Variants in UTRN observed in about 807,000 individuals in gnomAD.
UTRN encodes the protein dystrophin-related protein 1.
Under a neutral mutation model 463.9 loss-of-function variants are expected in UTRN, and 283 were observed. That is an observed-to-expected ratio of 0.61 (90% confidence interval 0.55 to 0.67). The LOEUF (loss-of-function observed/expected upper bound fraction) is 0.67, where lower values mean the gene tolerates loss of function less well. Among genes scored for constraint, UTRN ranks in the 30% least tolerant of loss-of-function variants. The pLI is 0.00. For missense variants in UTRN, 3,922 were observed against 4,084.3 expected, an observed-to-expected ratio of 0.96 and a Z score of 1.08; for synonymous variants, 1,442 against 1,431.5, an observed-to-expected ratio of 1.01 and a Z score of -0.17.
At chr6:144,495,572 G>A (rs1003580827) in intron 33 of UTRN, among the ~76,000 whole-genome samples, 3 of 151,828 alleles carry the variant, frequency 2.0e-5, no homozygotes, top group African/African-American at 7.3e-5. Flanking sequence ...GCCTTGGCCA[G>A]CCCAGAAAGG....
chr6:144,724,091 T>C (rs1485050186), intron 53 of UTRN, among the ~76,000 whole-genome samples: 1 of 151,580 alleles, frequency 6.6e-6, no homozygotes, highest in Non-Finnish European at 1.5e-5. Flanking sequence ...AGAATTATTG[T>C]TTTATTTTAA....
intron 43 of UTRN, among the ~76,000 whole-genome samples, chr6:144,534,384 T>C (rs1445848419): frequency 6.6e-6 from 1 of 152,168 alleles, no homozygotes; most frequent in Non-Finnish European, 1.5e-5. Flanking sequence ...AGAAAGTAAG[T>C]GATCATACTG....
At chr6:144,288,864 A>G (rs1803942122) in intron 1 of UTRN, among the ~76,000 whole-genome samples, 1 of 151,694 alleles carries the variant, frequency 6.6e-6, no homozygotes, top group East Asian at 1.9e-4. Flanking sequence ...CCTGAGTTCA[A>G]TCAATTCCCC....
intron 51 of UTRN, among the ~76,000 whole-genome samples, chr6:144,618,689 A>G (rs926227234): frequency 4.6e-5 from 7 of 152,248 alleles, no homozygotes; most frequent in Non-Finnish European, 1.0e-4. Flanking sequence ...CCTACTATGT[A>G]CTTGGCACAA....
chr6:144,835,243 C>T (rs932741135), intron 69 of UTRN, among the ~76,000 whole-genome samples: 2 of 152,074 alleles, frequency 1.3e-5, no homozygotes, highest in Admixed American at 1.3e-4. Context: ...AAATGACCTG[C>T]TAATAATATA....
At chr6:144,518,913 T>G (rs1795854071) in intron 39 of UTRN, among the ~76,000 whole-genome samples, 1 of 152,106 alleles carries the variant, frequency 6.6e-6, no homozygotes, top group African/African-American at 2.4e-5. Flanking sequence ...GGGGGAGCTT[T>G]AAAAAAACTA....
intron 51 of UTRN, among the ~76,000 whole-genome samples, chr6:144,667,153 C>T (rs1015990958): frequency 6.6e-6 from 1 of 152,096 alleles, no homozygotes; most frequent in Non-Finnish European, 1.5e-5. Flanking sequence ...CTCCAGGGCT[C>T]AAGTGATTCT....
In UTRN at chr6:144,582,010, G is replaced by T. The variant is rs570521505; in HGVS notation, c.7479+4722G>T. Among the ~76,000 whole-genome samples the T allele has an allele frequency of 2.6e-5, 4 of 152,268 alleles. 1 individual carries two copies. In the East Asian group the frequency reaches 5.8e-4, roughly 22 times the overall value. ...AGCCTCACCAGAGGGAGGCAGTGTA[G>T]ATTCTCAGTATGGACCTGCAGGGAA... On this transcript the variant is annotated intron_variant, in intron 51 of 74. Coordinates refer to ENST00000367545, the MANE Select transcript of UTRN (RefSeq NM_007124.3).
rs117034625 is a variant in UTRN at position 144,837,949 on chromosome 6, T to C, written c.10066-1224T>C. Among the ~76,000 whole-genome samples, 410 of 152,292 alleles carry C rather than the reference T, an allele frequency of 2.7e-3. 1 individual carries two copies. Among genetic ancestry groups the C allele is most frequent in the Middle Eastern group, 6.8e-3 (2 of 294 alleles). On this transcript the variant is annotated intron_variant, in intron 71 of 74. Coordinates refer to ENST00000367545, the MANE Select transcript of UTRN (RefSeq NM_007124.3). ...CTTGAAGCCCTTCGGAATGTTTGAG[T>C]CTTACTTAGTGCCAGCCACATACAT...
intron 51 of UTRN, among the ~76,000 whole-genome samples, chr6:144,603,298 G>T (rs1203576745): frequency 1.3e-5 from 2 of 152,124 alleles, no homozygotes; most frequent in East Asian, 1.9e-4. Flanking sequence ...GTTAGGATAG[G>T]TTTCTCTGTG....
intron 2 of UTRN, among the ~76,000 whole-genome samples, chr6:144,336,840 T>G (rs1318296129): frequency 6.6e-6 from 1 of 152,158 alleles, no homozygotes; most frequent in Non-Finnish European, 1.5e-5. Context: ...ACTCTTGGCC[T>G]TCATTCCTGC....
chr6:144,615,274 A>G (rs1461349740), intron 51 of UTRN, among the ~76,000 whole-genome samples: 2 of 152,176 alleles, frequency 1.3e-5, no homozygotes, highest in Admixed American at 1.3e-4. Context: ...TTCCTATATT[A>G]CTTGGCCATA....
At chr6:144,792,880 C>A (rs905550859) in intron 62 of UTRN, among the ~76,000 whole-genome samples, 2 of 151,636 alleles carry the variant, frequency 1.3e-5, no homozygotes, top group Non-Finnish European at 2.9e-5. Flanking sequence ...AAAAGGTAAA[C>A]CAAGAGTGGA....
chr6:144,800,607 C>A (rs1777617489), intron 64 of UTRN, among the ~76,000 whole-genome samples: 1 of 152,166 alleles, frequency 6.6e-6, no homozygotes, highest in Non-Finnish European at 1.5e-5. Flanking sequence ...ACTTGGCCTG[C>A]TTGAACCTGA....
At chr6:144,792,999 A>T (rs1471375408) in intron 62 of UTRN, among the ~76,000 whole-genome samples, 2 of 152,190 alleles carry the variant, frequency 1.3e-5, no homozygotes, top group Admixed American at 6.5e-5. Context: ...ACAAATTTTT[A>T]AATTTGATTA....
intron 2 of UTRN, among the ~76,000 whole-genome samples, chr6:144,348,278 A>G (rs576923123): frequency 6.6e-6 from 1 of 152,284 alleles, no homozygotes; most frequent in Non-Finnish European, 1.5e-5. Context: ...TGGGGATATA[A>G]AAATGAAGGT....
At chr6:144,361,323 A>G (rs947852719) in intron 2 of UTRN, among the ~76,000 whole-genome samples, 7 of 152,194 alleles carry the variant, frequency 4.6e-5, no homozygotes, top group Non-Finnish European at 8.8e-5. Context: ...GAAACACCTT[A>G]TGTGTTGCTC....
At chr6:144,517,825 A>G (rs547883934) in intron 39 of UTRN, among the ~76,000 whole-genome samples, 2 of 152,252 alleles carry the variant, frequency 1.3e-5, no homozygotes, top group East Asian at 3.9e-4. Context: ...GTGTAAGGGC[A>G]CTCTATGATG....
chr6:144,470,109 C>G (rs1790371865), intron 23 of UTRN, among the ~76,000 whole-genome samples: 1 of 152,244 alleles, frequency 6.6e-6, no homozygotes, highest in Non-Finnish European at 1.5e-5. Flanking sequence ...TCCTTCCACA[C>G]AAACACAGCA....
Sources: allele counts gnomAD v4.1 joint callset (sites outside exome capture counted in the v4.1 genomes callset), GRCh38; gene constraint gnomAD v4.1.1; transcripts MANE v1.5; gene names NCBI Gene and HGNC (gene_info 2026-07-23, HGNC 2026-07-21).